Variants in LDB2 observed in about 807,000 individuals in gnomAD.
LDB2 encodes the protein LIM domain-binding protein 2.
Under a neutral mutation model 44.3 loss-of-function variants are expected in LDB2, and 12 were observed. The observed-to-expected ratio is 0.27, with a 90% CI of 0.17 to 0.44. The LOEUF (loss-of-function observed/expected upper bound fraction) is 0.44. Among genes scored for constraint, LDB2 ranks in the 20% least tolerant of loss-of-function variants. LDB2 has a pLI of 1.00. For missense variants in LDB2, 344 were observed against 473.5 expected, an observed-to-expected ratio of 0.73 and a Z score of 2.54; for synonymous variants, 164 against 174.8, an observed-to-expected ratio of 0.94 and a Z score of 0.49.
rs1720725031 is a variant in LDB2, at chr4:16,595,846, A to G, written c.265T>C (p.Phe89Leu). The G allele has an allele frequency of 6.2e-7, 1 of 1,613,552 alleles. No individual in the cohort carries two copies. The highest frequency in any genetic ancestry group is 8.5e-7 in the Non-Finnish European group (1 of 1,179,732). Residue 89 changes from phenylalanine (F) to leucine (L), a missense_variant, in exon 3 of 8, where the codon TTT (phenylalanine) becomes CTT (leucine). Phe to Leu is a conservative substitution (Grantham distance 22). Transcript: ENST00000304523. ...TIGRTLIPRY[F>L]STVFEGGVTD... ...ACCCCTCCTTCAAACACAGTGCTAA[A>G]GTAACGGGGGATGAGGGTCCTGCCG...
At chr4:16,518,495 C>T (rs6848917) in intron 5 of LDB2, among the ~76,000 whole-genome samples, 55,854 of 137,490 alleles carry the variant, frequency 0.41, 10,547 homozygotes, top group Middle Eastern at 0.52. Flanking sequence ...TTTTTTTTTT[C>T]GCTTTTAAAA....
intron 1 of LDB2, among the ~76,000 whole-genome samples, chr4:16,852,091 T>C (rs1788381483): frequency 6.6e-6 from 1 of 152,138 alleles, no homozygotes; most frequent in Non-Finnish European, 1.5e-5. Flanking sequence ...CAGACAAGAC[T>C]CATTTCCTCA....
At chr4:16,682,973 T>C (rs1328297899) in intron 2 of LDB2, among the ~76,000 whole-genome samples, 1 of 152,258 alleles carries the variant, frequency 6.6e-6, no homozygotes, top group African/African-American at 2.4e-5. Flanking sequence ...CATGTAACTC[T>C]GGGACATGTC....
At chr4:16,550,401 C>A (rs1219460965) in intron 5 of LDB2, among the ~76,000 whole-genome samples, 1 of 152,110 alleles carries the variant, frequency 6.6e-6, no homozygotes, top group Non-Finnish European at 1.5e-5. Flanking sequence ...CTCTGTATTC[C>A]CAGTACCTAA....
intron 6 of LDB2, among the ~76,000 whole-genome samples, chr4:16,510,834 C>T (rs1467254181): frequency 6.6e-6 from 1 of 152,162 alleles, no homozygotes; most frequent in South Asian, 2.1e-4. Flanking sequence ...TAATAAATCT[C>T]AATAAATAAT....
chr4:16,645,302 C>T (rs959356046), intron 2 of LDB2, among the ~76,000 whole-genome samples: 6 of 150,862 alleles, frequency 4.0e-5, no homozygotes, highest in Non-Finnish European at 7.4e-5. Flanking sequence ...TTTGGGAGGC[C>T]GAGGCGGGTG....
At chr4:16,750,311 T>C (rs1226335176) in intron 2 of LDB2, among the ~76,000 whole-genome samples, 1 of 152,196 alleles carries the variant, frequency 6.6e-6, no homozygotes, top group African/African-American at 2.4e-5. Flanking sequence ...GTCTCCCTTG[T>C]TATACTGCAA....
intron 2 of LDB2, among the ~76,000 whole-genome samples, chr4:16,668,126 C>T (rs1019552096): frequency 5.3e-5 from 8 of 150,580 alleles, no homozygotes; most frequent in African/African-American, 2.0e-4. Context: ...AGGATAGTTT[C>T]ATAAATTTTT....
chr4:16,723,297 A>G (rs1028988040), intron 2 of LDB2, among the ~76,000 whole-genome samples: 1 of 152,174 alleles, frequency 6.6e-6, no homozygotes, highest in Non-Finnish European at 1.5e-5. Context: ...GTCCAAGGAC[A>G]TGGTGCCAGC....
At chr4:16,636,550 G>T (rs141385127) in intron 2 of LDB2, among the ~76,000 whole-genome samples, 175 of 152,252 alleles carry the variant, frequency 1.1e-3, no homozygotes, top group African/African-American at 3.9e-3. Context: ...TCATTTACCT[G>T]CAGAGCCTTC....
At chr4:16,829,264 C>T (rs1671953719) in intron 1 of LDB2, among the ~76,000 whole-genome samples, 1 of 152,160 alleles carries the variant, frequency 6.6e-6, no homozygotes, top group African/African-American at 2.4e-5. Context: ...TCATCACACT[C>T]AGAGCTTGTA....
intron 2 of LDB2, among the ~76,000 whole-genome samples, chr4:16,675,134 T>C (rs1034660800): frequency 2.0e-5 from 3 of 152,142 alleles, no homozygotes; most frequent in Admixed American, 2.0e-4. Context: ...CTGCAAGAAA[T>C]GGTGCAGAAG....
intron 1 of LDB2, among the ~76,000 whole-genome samples, chr4:16,795,683 G>A (rs1165634539): frequency 6.6e-6 from 1 of 152,116 alleles, no homozygotes; most frequent in Non-Finnish European, 1.5e-5. Flanking sequence ...TTATGACACT[G>A]ATCTGTAATT....
chr4:16,651,947 ACTTTC>A (rs781348105), intron 2 of LDB2, among the ~76,000 whole-genome samples: 2 of 152,088 alleles, frequency 1.3e-5, no homozygotes, highest in East Asian at 1.9e-4. Context: ...TAAAACTAGG[ACTTTC>A]CTTTCATTTC....
At chr4:16,870,362 T>A (rs1251246605) in intron 1 of LDB2, among the ~76,000 whole-genome samples, 1 of 152,174 alleles carries the variant, frequency 6.6e-6, no homozygotes, top group Admixed American at 6.5e-5. Flanking sequence ...AACTTCCGTA[T>A]CTTACAGATA....
chr4:16,691,137 A>G (rs889633610), intron 2 of LDB2, among the ~76,000 whole-genome samples: 2 of 152,036 alleles, frequency 1.3e-5, no homozygotes, highest in Admixed American at 6.5e-5. Flanking sequence ...TAGGTCACCA[A>G]CGTCAAATAG....
intron 2 of LDB2, among the ~76,000 whole-genome samples, chr4:16,696,215 C>T (rs115791892): frequency 6.6e-6 from 1 of 152,108 alleles, no homozygotes; most frequent in Non-Finnish European, 1.5e-5. Context: ...TGGGCTGTAG[C>T]GGAACAGTGA....
At chr4:16,876,665 T>C (rs960956796) in intron 1 of LDB2, among the ~76,000 whole-genome samples, 6 of 147,370 alleles carry the variant, frequency 4.1e-5, no homozygotes, top group Admixed American at 1.4e-4. Flanking sequence ...TTGTGGAGGG[T>C]TTTTTTTTTA....
Position 16,606,699 on chromosome 4 carries a change from T to C in LDB2, c.236-10824A>G, listed in dbSNP as rs1172478951. ...GTTTTCTACTCAAAATCCATTCACT[T>C]GGCTGCATGGAAAAATTACTCCAGA... On this transcript the variant is annotated intron_variant, in intron 2 of 7. Transcript: ENST00000304523. 2.0e-5 allele frequency among the ~76,000 whole-genome samples: 3 copies of C among 152,230 alleles called. No individual in the cohort carries two copies. The South Asian group carries it at 6.2e-4, about 32-fold the overall frequency.
Sources: allele counts gnomAD v4.1 joint callset (sites outside exome capture counted in the v4.1 genomes callset), GRCh38; gene constraint gnomAD v4.1.1; transcripts MANE v1.5; gene names NCBI Gene and HGNC (gene_info 2026-07-23, HGNC 2026-07-21).